The following FBXO11 variants were observed in gnomAD, a reference collection of about 807,000 sequenced individuals.
The protein encoded by FBXO11 is F-box only protein 11.
In FBXO11, 13 loss-of-function variants were observed where a neutral mutation model predicts 117.0. That is an observed-to-expected ratio of 0.11 (90% CI 0.07 to 0.18). FBXO11 has a LOEUF of 0.18. Among genes scored for constraint, FBXO11 ranks in the 10% least tolerant of loss-of-function variants. FBXO11 has a pLI of 1.00. For synonymous variants in FBXO11, 490 were observed against 380.5 expected (o/e 1.29, Z -3.35); for missense variants, 767 against 1,164.4 (o/e 0.66, Z 4.97).
chr2:47,874,983 T>C (rs1188430869), intron 1 of FBXO11, among the ~76,000 whole-genome samples: 2 of 152,148 alleles, frequency 1.3e-5, no homozygotes, highest in East Asian at 1.9e-4. Context: ...CAAAACGTCT[T>C]CTGCATTCAA....
rs183813665 is a variant in FBXO11, at chr2:47,895,337, T to A, written c.232+10152A>T. On this transcript the variant is annotated intron_variant, in intron 1 of 22. Transcript: ENST00000403359. ...CAACAAGAATGAACAATGAAAAAAC[T>A]AATGCTACAAGCAGCAATATGGATG... is the stretch of plus-strand genomic sequence containing the variant. Among the ~76,000 whole-genome samples, 5 of 152,250 alleles carry A rather than the reference T, an allele frequency of 3.3e-5. No individual in the cohort carries two copies. In the East Asian group the frequency reaches 9.6e-4, roughly 29 times the overall value.
chr2:47,845,324 C>G (rs1673322627), intron 1 of FBXO11, among the ~76,000 whole-genome samples: 1 of 152,188 alleles, frequency 6.6e-6, no homozygotes, highest in Non-Finnish European at 1.5e-5. Flanking sequence ...ATGAATACCA[C>G]AGAAATCTCA....
At chr2:47,814,918 A>AC (rs1670904009) in intron 16 of FBXO11, among the ~76,000 whole-genome samples, 1 of 152,136 alleles carries the variant, frequency 6.6e-6, no homozygotes, top group Non-Finnish European at 1.5e-5. Flanking sequence ...ACAGGAACAG[A>AC]CCCCACCTCA....
intron 1 of FBXO11, among the ~76,000 whole-genome samples, chr2:47,856,016 C>A (rs762153570): frequency 6.6e-6 from 1 of 152,154 alleles, no homozygotes; most frequent in Non-Finnish European, 1.5e-5. Flanking sequence ...GAGGCTGAGG[C>A]AGGAGGATCA....
At chr2:47,899,608 T>G (rs1359060261) in intron 1 of FBXO11, among the ~76,000 whole-genome samples, 1 of 152,178 alleles carries the variant, frequency 6.6e-6, no homozygotes, top group Non-Finnish European at 1.5e-5. Flanking sequence ...CATATCTAGC[T>G]AGCTTTAACT....
chr2:47,848,144 A>C (rs1338567081), intron 1 of FBXO11, among the ~76,000 whole-genome samples: 4 of 108,016 alleles, frequency 3.7e-5, no homozygotes, highest in Middle Eastern at 3.8e-3. Flanking sequence ...ACAAACAAAC[A>C]AAAAAACAAC....
intron 19 of FBXO11, 61 bp from the exon 20 acceptor site, chr2:47,809,768 A>C: frequency 9.3e-7 from 1 of 1,077,532 alleles, no homozygotes; most frequent in South Asian, 1.3e-5. Context: ...AAAAACCTGA[A>C]ATTAGCAAGC....
intron 1 of FBXO11, chr2:47,883,818 T>C (rs1658858706): frequency 4.5e-6 from 1 of 223,676 alleles, no homozygotes; most frequent in Non-Finnish European, 9.3e-6. Flanking sequence ...GCCCTTCAGA[T>C]GAATGTGGTG....
At chr2:47,841,101 G>A (rs1241997292) in intron 1 of FBXO11, among the ~76,000 whole-genome samples, 1 of 151,832 alleles carries the variant, frequency 6.6e-6, no homozygotes, top group African/African-American at 2.4e-5. Flanking sequence ...AGGAGGCTGA[G>A]GCAGGAGAAT....
chr2:47,855,276 C>T (rs915372817), intron 1 of FBXO11, among the ~76,000 whole-genome samples: 6 of 151,766 alleles, frequency 4.0e-5, no homozygotes, highest in Admixed American at 3.9e-4. Flanking sequence ...TCACAGCTCA[C>T]TGCAGCCTCG....
At chr2:47,833,498 C>T (rs976250282) in intron 7 of FBXO11, among the ~76,000 whole-genome samples, 1 of 152,112 alleles carries the variant, frequency 6.6e-6, no homozygotes, top group Non-Finnish European at 1.5e-5. Context: ...TCCCCATCTT[C>T]ATGAGGAGAT....
At chr2:47,827,950 G>C (rs1418099295) in intron 11 of FBXO11, among the ~76,000 whole-genome samples, 1 of 151,828 alleles carries the variant, frequency 6.6e-6, no homozygotes, top group Non-Finnish European at 1.5e-5. Context: ...ACCTGCCTCA[G>C]CCTCCCAAAG....
intron 1 of FBXO11, among the ~76,000 whole-genome samples, chr2:47,876,119 G>C (rs1475709770): frequency 6.6e-6 from 1 of 152,154 alleles, no homozygotes; most frequent in Non-Finnish European, 1.5e-5. Flanking sequence ...TTTCATTCAG[G>C]TAGTCTGGCT....
chr2:47,883,537 C>T, intron 1 of FBXO11: 1 of 378,168 alleles, frequency 2.6e-6, no homozygotes, highest in Non-Finnish European at 5.3e-6. Flanking sequence ...AATGTAAAGG[C>T]CAAGATCCAG....
rs1670533223 is a variant in FBXO11, at chr2:47,810,438, T to C, written c.2228-12A>G. The C allele has an allele frequency of 6.4e-7, 1 of 1,563,970 alleles. No homozygotes were observed. Among genetic ancestry groups the C allele is most frequent in the Admixed American group, 1.7e-5 (1 of 57,472 alleles). ...TTCTTCAAGGAGACCTATAATAAAATATTTCCTTAGATTAAGGCTAATGCA... is the reference window on the plus strand; with the variant it reads ...TTCTTCAAGGAGACCTATAATAAAACATTTCCTTAGATTAAGGCTAATGCA... On this transcript the variant is annotated splice_polypyrimidine_tract_variant and intron_variant, in intron 18 of 22. Transcript: ENST00000403359.
chr2:47,866,656 T>C (rs1675221821), intron 1 of FBXO11, among the ~76,000 whole-genome samples: 1 of 151,962 alleles, frequency 6.6e-6, no homozygotes. Flanking sequence ...ATATTTTTAG[T>C]AGAGATGAGG....
At chr2:47,900,883 T>C (rs566533690) in intron 1 of FBXO11, among the ~76,000 whole-genome samples, 2 of 141,314 alleles carry the variant, frequency 1.4e-5, no homozygotes, top group African/African-American at 5.5e-5. Context: ...CGTGTATATA[T>C]ATACACGTAT....
In FBXO11 at chr2:47,905,593, T is replaced by C; in HGVS notation, c.128A>G (p.Gln43Arg). The C allele has an allele frequency of 7.8e-7, 1 of 1,289,156 alleles. No individual in the cohort carries two copies. The highest frequency in any genetic ancestry group is 2.5e-5 in the South Asian group (1 of 40,380). 79.9% of individuals were successfully genotyped at this position (1,289,156 alleles called of 1,614,324 possible). ...CTGCTGCGGCGGCGGCGGAGGCTGC[T>C]GCTGGGGCGGCTGCTGCTGGGGCGG... The part of the protein sequence containing the change: ...PQPPQQQPPQ[Q>R]QPPPPPQQQQ... The change falls in exon 1 of 23, where the codon CAG becomes CGG. Residue 43 changes from glutamine to arginine, a missense_variant. By Grantham distance (43) the Gln-to-Arg change is conservative. Transcript: ENST00000403359.
chr2:47,843,430 T>A (rs1044741994), intron 1 of FBXO11, among the ~76,000 whole-genome samples: 1 of 150,164 alleles, frequency 6.7e-6, no homozygotes, highest in Admixed American at 6.6e-5. Flanking sequence ...TTGTAGTTAA[T>A]CTTTTTTTTT....
Sources: allele counts gnomAD v4.1 joint callset (sites outside exome capture counted in the v4.1 genomes callset), GRCh38; gene constraint gnomAD v4.1.1; transcripts MANE v1.5; gene names NCBI Gene and HGNC (gene_info 2026-07-23, HGNC 2026-07-21).